BMP6: variants seen among roughly 807,000 people sequenced by gnomAD.
BMP6 encodes bone morphogenetic protein 6, also known as VG-1-R.
In BMP6, 17 loss-of-function variants were observed where a neutral mutation model predicts 54.1. The observed-to-expected ratio is 0.31, with a 90% CI of 0.22 to 0.47. The LOEUF (loss-of-function observed/expected upper bound fraction) is 0.47. BMP6 is among the 20% of genes least tolerant of loss of function. BMP6 has a pLI of 1.00. For missense variants in BMP6, 720 were observed against 690.4 expected (o/e 1.04, Z -0.48); for synonymous variants, 328 against 291.2 (o/e 1.13, Z -1.28).
At chr6:7,853,031 G>T (rs1014093187) in intron 2 of BMP6, among the ~76,000 whole-genome samples, 1 of 152,086 alleles carries the variant, frequency 6.6e-6, no homozygotes, top group Non-Finnish European at 1.5e-5. Flanking sequence ...GCTCTAGGCC[G>T]CTACCAATTG....
intron 1 of BMP6, among the ~76,000 whole-genome samples, chr6:7,774,575 G>T (rs976378119): frequency 6.6e-6 from 1 of 151,866 alleles, no homozygotes; most frequent in Non-Finnish European, 1.5e-5. Flanking sequence ...AATTAGCCAG[G>T]TGTGGTGGCA....
chr6:7,786,460 G>GTTTT (rs35750746), intron 1 of BMP6, among the ~76,000 whole-genome samples: 1 of 135,152 alleles, frequency 7.4e-6, no homozygotes, highest in Non-Finnish European at 1.6e-5. Context: ...TCTTTAGTCT[G>GTTTT]TTTTTTTTTT....
chr6:7,836,342 T>G (rs918294289), intron 1 of BMP6, among the ~76,000 whole-genome samples: 3 of 152,182 alleles, frequency 2.0e-5, no homozygotes, highest in Non-Finnish European at 2.9e-5. Flanking sequence ...CCAGAGAGTT[T>G]TATTGTGGCA....
At chr6:7,760,737 GGATTACAGGCGT>G (rs1191491219) in intron 1 of BMP6, among the ~76,000 whole-genome samples, 1 of 152,194 alleles carries the variant, frequency 6.6e-6, no homozygotes, top group African/African-American at 2.4e-5. Flanking sequence ...CAAAGTGCGG[GGATTACAGGCGT>G]GAGCCACCGT....
intron 1 of BMP6, among the ~76,000 whole-genome samples, chr6:7,759,243 A>G (rs979338773): frequency 1.1e-4 from 17 of 152,336 alleles, no homozygotes; most frequent in Admixed American, 1.0e-3. Context: ...CAATCTTACC[A>G]GGAACGTGGT....
intron 2 of BMP6, among the ~76,000 whole-genome samples, chr6:7,854,752 C>T (rs114621615): frequency 8.0e-4 from 122 of 152,266 alleles, no homozygotes; most frequent in African/African-American, 2.4e-3. Context: ...GCCAAGATGA[C>T]GCACTCCAGC....
chr6:7,841,251 C>T lies in BMP6; in HGVS notation c.665-3889C>T, dbSNP rs138489399. 1.8e-3 allele frequency among the ~76,000 whole-genome samples: 275 copies of T among 152,308 alleles called. 3 individuals are homozygous for T. Among genetic ancestry groups the T allele is most frequent in the African/African-American group, 6.4e-3 (264 of 41,568 alleles). Reference sequence around the variant, plus strand: ...GACATGTCACCAACACTCTTAACTACGACTTAATTGTGACTGCATCTGGCC... The same window carrying T: ...GACATGTCACCAACACTCTTAACTATGACTTAATTGTGACTGCATCTGGCC... On this transcript the variant is annotated intron_variant, in intron 1 of 6. Coordinates refer to ENST00000283147, the MANE Select transcript of BMP6 (RefSeq NM_001718.6).
Position 7,781,874 on chromosome 6 carries a change from C to G in BMP6, c.664+54255C>G, listed in dbSNP as rs186373107. On this transcript the variant is annotated intron_variant, in intron 1 of 6. Coordinates refer to ENST00000283147, the MANE Select transcript of BMP6 (RefSeq NM_001718.6). ...AAAAGATAGGTGAGAAGTGCGAGGTCTTTCAGGCCATATTCAGGGTCTCCA... is the reference window on the plus strand; with the variant it reads ...AAAAGATAGGTGAGAAGTGCGAGGTGTTTCAGGCCATATTCAGGGTCTCCA... 3.3e-4 allele frequency among the ~76,000 whole-genome samples: 50 copies of G among 151,500 alleles called. 1 individual carries two copies. Among genetic ancestry groups the G allele is most frequent in the African/African-American group, 1.1e-3 (47 of 41,434 alleles).
intron 4 of BMP6, among the ~76,000 whole-genome samples, chr6:7,875,238 T>G (rs181598830): frequency 3.0e-4 from 45 of 152,292 alleles, no homozygotes; most frequent in Admixed American, 2.9e-3. Flanking sequence ...GAATTTGCCC[T>G]TCCTCTGTCT....
chr6:7,755,636 CTT>C (rs888907850), intron 1 of BMP6, among the ~76,000 whole-genome samples: 2 of 151,982 alleles, frequency 1.3e-5, no homozygotes, highest in Admixed American at 1.3e-4. Flanking sequence ...TTCTCACACT[CTT>C]TATTCCTTTT....
At chr6:7,846,691 T>G (rs1457589646) in intron 2 of BMP6, among the ~76,000 whole-genome samples, 2 of 152,236 alleles carry the variant, frequency 1.3e-5, no homozygotes, top group African/African-American at 4.8e-5. Flanking sequence ...TTTTCTGATA[T>G]CTGATTCTCA....
At chr6:7,802,030 AT>A (rs1758276730) in intron 1 of BMP6, among the ~76,000 whole-genome samples, 1 of 152,186 alleles carries the variant, frequency 6.6e-6, no homozygotes, top group Non-Finnish European at 1.5e-5. Flanking sequence ...CAGAGGGTAC[AT>A]TCCAAATCTG....
In BMP6 at chr6:7,880,547, G is replaced by C. The variant is rs1759701304; in HGVS notation, c.*204G>C. ...AAATGACGTGAGTAGTTGTTGGTCTGTAGCAAGCTGAGTTTGGATGTCTGT... is the reference window on the plus strand; with the variant it reads ...AAATGACGTGAGTAGTTGTTGGTCTCTAGCAAGCTGAGTTTGGATGTCTGT... On this transcript the variant is annotated 3_prime_UTR_variant, in exon 7 of 7. Coordinates refer to ENST00000283147, the MANE Select transcript of BMP6 (RefSeq NM_001718.6). The C allele has an allele frequency of 6.0e-6, 4 of 662,752 alleles. No individual in the cohort carries two copies. In the South Asian group the frequency reaches 8.0e-5, roughly 13 times the overall value. The allele number at this position is 662,752 out of a possible 1,614,324, so 41.1% of individuals were successfully genotyped here. A position where few individuals can be genotyped will look rare whatever the true frequency, so the allele number is the denominator to read the frequency against.
chr6:7,772,969 C>T (rs142293755), intron 1 of BMP6, among the ~76,000 whole-genome samples: 3,721 of 152,238 alleles, frequency 0.024, 71 homozygotes, highest in Non-Finnish European at 0.039. Context: ...GTTCATTAGG[C>T]GTTGATTTTA....
At position 7,803,738 on chromosome 6, in the gene BMP6, C is replaced by G. The variant is rs140414623; in HGVS notation, c.665-41402C>G. On this transcript the variant is annotated intron_variant, in intron 1 of 6. Transcript: ENST00000283147. ...GCTATATTTCATTGATTTCAAGATG[C>G]ACCATTTTTTTTTCACATTTAACTT... Among the ~76,000 whole-genome samples the G allele has an allele frequency of 3.9e-5, 6 of 152,260 alleles. No individual in the cohort carries two copies. The East Asian group carries it at 1.2e-3, about 29-fold the overall frequency.
chr6:7,761,902 T>C (rs998772817), intron 1 of BMP6, among the ~76,000 whole-genome samples: 1 of 152,172 alleles, frequency 6.6e-6, no homozygotes, highest in Non-Finnish European at 1.5e-5. Flanking sequence ...GGATTTCTTT[T>C]CTTTTCTTTT....
chr6:7,797,308 C>T (rs143506385), intron 1 of BMP6, among the ~76,000 whole-genome samples: 25 of 152,260 alleles, frequency 1.6e-4, no homozygotes, highest in Middle Eastern at 3.4e-3. Context: ...CCCTCCCATC[C>T]GCCACACAAA....
chr6:7,835,462 T>C (rs1758858363), intron 1 of BMP6, among the ~76,000 whole-genome samples: 1 of 152,104 alleles, frequency 6.6e-6, no homozygotes, highest in Non-Finnish European at 1.5e-5. Flanking sequence ...GTGGAGGATA[T>C]TGTGCCTGTT....
intron 1 of BMP6, among the ~76,000 whole-genome samples, chr6:7,804,840 T>A (rs1758325213): frequency 6.6e-6 from 1 of 152,172 alleles, no homozygotes; most frequent in South Asian, 2.1e-4. Flanking sequence ...ATGATTTCCA[T>A]GATGGGACTA....
Sources: gnomAD v4.1 joint callset for allele counts (sites outside exome capture counted in the v4.1 genomes callset) on GRCh38, gnomAD v4.1.1 for gene constraint, MANE v1.5 for transcripts, NCBI Gene and HGNC (gene_info 2026-07-23, HGNC 2026-07-21) for gene names.